The following DLGAP2 variants were observed in gnomAD, a reference collection of about 807,000 sequenced individuals.
The protein encoded by DLGAP2 is disks large-associated protein 2.
Under a neutral mutation model 100.3 loss-of-function variants are expected in DLGAP2, and 26 were observed. The ratio of observed to expected loss-of-function variants is 0.26; its 90% CI spans 0.19 to 0.36. The LOEUF (loss-of-function observed/expected upper bound fraction) is 0.36, where lower values mean the gene tolerates loss of function less well. Ranked by LOEUF, DLGAP2 falls within the 10% of genes least tolerant of loss-of-function variation. DLGAP2 has a pLI of 1.00. For synonymous variants in DLGAP2, 886 were observed against 630.1 expected (o/e 1.41, Z -6.08); for missense variants, 1,858 against 1,453.2 (o/e 1.28, Z -4.53).
chr8:1,442,820 C>A (rs1563152430), intron 3 of DLGAP2, among the ~76,000 whole-genome samples: 1 of 149,540 alleles, frequency 6.7e-6, no homozygotes, highest in Non-Finnish European at 1.5e-5. Flanking sequence ...GGAGACGGAT[C>A]CAGGCATAGA....
chr8:1,240,710 C>CT (rs1798769856), intron 2 of DLGAP2, among the ~76,000 whole-genome samples: 1 of 148,094 alleles, frequency 6.8e-6, no homozygotes, highest in Non-Finnish European at 1.5e-5. Flanking sequence ...CACATGGTGA[C>CT]GTGTCTAGTT....
At chr8:1,175,569 C>G (rs1437829626) in intron 2 of DLGAP2, among the ~76,000 whole-genome samples, 1 of 152,156 alleles carries the variant, frequency 6.6e-6, no homozygotes, top group Non-Finnish European at 1.5e-5. Flanking sequence ...CTATATGCGA[C>G]TCCATTAGGA....
chr8:1,582,304 A>ACAAGCCCCACACACATGTACACACCACAG (rs1396406861), intron 6 of DLGAP2, among the ~76,000 whole-genome samples: 9 of 113,094 alleles, frequency 8.0e-5, no homozygotes, highest in Admixed American at 2.4e-4. Context: ...AAGGATACAG[A>ACAAGCCCCACACACATGTACACACCACAG]TAAAACCTTA....
intron 3 of DLGAP2, among the ~76,000 whole-genome samples, chr8:1,434,604 G>A (rs1416366756): frequency 6.6e-6 from 1 of 152,102 alleles, no homozygotes; most frequent in Non-Finnish European, 1.5e-5. Flanking sequence ...AAGTTCCCGA[G>A]TAGCTGGGAC....
intron 1 of DLGAP2, among the ~76,000 whole-genome samples, chr8:907,402 A>G (rs562598499): frequency 2.0e-5 from 3 of 152,292 alleles, no homozygotes; most frequent in East Asian, 1.9e-4. Context: ...ACCAAATAAG[A>G]TATTTTCTTC....
intron 3 of DLGAP2, among the ~76,000 whole-genome samples, chr8:1,445,223 T>A (rs1374876687): frequency 7.2e-6 from 1 of 138,190 alleles, no homozygotes; most frequent in Non-Finnish European, 1.6e-5. Context: ...TATCTCCTAA[T>A]GCTATCCCTC....
At chr8:1,007,436 A>T (rs187935262) in intron 2 of DLGAP2, among the ~76,000 whole-genome samples, 1 of 152,200 alleles carries the variant, frequency 6.6e-6, no homozygotes, top group African/African-American at 2.4e-5. Flanking sequence ...ATCATGGCCC[A>T]TTTTACCAAG....
At chr8:1,185,741 A>ACT (rs761648382) in intron 2 of DLGAP2, among the ~76,000 whole-genome samples, 4 of 106,116 alleles carry the variant, frequency 3.8e-5, no homozygotes, top group Non-Finnish European at 8.2e-5. Flanking sequence ...ACTCACACAC[A>ACT]CACACTCACA....
chr8:1,318,595 A>G (rs2117033809), intron 3 of DLGAP2, among the ~76,000 whole-genome samples: 1 of 151,688 alleles, frequency 6.6e-6, no homozygotes, highest in Admixed American at 6.6e-5. Context: ...AGGGGAACAG[A>G]TTCCCCCGCC....
At chr8:1,347,072 G>C (rs890624326) in intron 3 of DLGAP2, among the ~76,000 whole-genome samples, 3 of 150,860 alleles carry the variant, frequency 2.0e-5, no homozygotes, top group African/African-American at 7.3e-5. Flanking sequence ...GTTCCACACA[G>C]AGCTGAATTG....
At chr8:959,212 G>A (rs995465593) in intron 2 of DLGAP2, among the ~76,000 whole-genome samples, 1 of 152,208 alleles carries the variant, frequency 6.6e-6, no homozygotes, top group Non-Finnish European at 1.5e-5. Flanking sequence ...ACATGTAAAA[G>A]AGTGAGTGTT....
At chr8:763,701 G>A (rs1821143429) in intron 1 of DLGAP2, among the ~76,000 whole-genome samples, 1 of 151,532 alleles carries the variant, frequency 6.6e-6, no homozygotes, top group South Asian at 2.1e-4. Flanking sequence ...GGGACTCGGT[G>A]TGTCCTTCGT....
At chr8:1,200,431 C>T (rs938610555) in intron 2 of DLGAP2, among the ~76,000 whole-genome samples, 3 of 152,226 alleles carry the variant, frequency 2.0e-5, no homozygotes, top group South Asian at 2.1e-4. Context: ...TGAAATGATT[C>T]ATGGTGTTTC....
chr8:960,926 G>A (rs1272961019), intron 2 of DLGAP2, among the ~76,000 whole-genome samples: 3 of 152,172 alleles, frequency 2.0e-5, no homozygotes, highest in African/African-American at 7.2e-5. Flanking sequence ...CATAAGTCTG[G>A]AACTGTCTGT....
chr8:1,122,076 C>G (rs1796062490), intron 2 of DLGAP2, among the ~76,000 whole-genome samples: 2 of 152,160 alleles, frequency 1.3e-5, no homozygotes, highest in Admixed American at 1.3e-4. Flanking sequence ...AGCCATTGAG[C>G]CAGAGATTGC....
At chr8:1,446,986 T>G (rs1797999988) in intron 3 of DLGAP2, among the ~76,000 whole-genome samples, 1 of 152,168 alleles carries the variant, frequency 6.6e-6, no homozygotes, top group African/African-American at 2.4e-5. Context: ...CTTAAGGAGA[T>G]TTTGGGCTGA....
At chr8:818,520 T>A (rs1019114942) in intron 1 of DLGAP2, among the ~76,000 whole-genome samples, 2 of 152,184 alleles carry the variant, frequency 1.3e-5, no homozygotes, top group Admixed American at 1.3e-4. Context: ...CTTCCAAGGG[T>A]CTGTGGATTC....
intron 3 of DLGAP2, among the ~76,000 whole-genome samples, chr8:1,352,951 C>A (rs981938716): frequency 6.6e-6 from 1 of 152,178 alleles, no homozygotes; most frequent in Non-Finnish European, 1.5e-5. Flanking sequence ...TTTGACTGTT[C>A]CAGAGCTCTG....
chr8:948,990 G>C (rs550558013), intron 2 of DLGAP2, among the ~76,000 whole-genome samples: 2 of 152,042 alleles, frequency 1.3e-5, no homozygotes, highest in African/African-American at 4.8e-5. Context: ...AGGAGTCGCC[G>C]GGGTGGGAGC....
Sources: allele counts gnomAD v4.1 joint callset (sites outside exome capture counted in the v4.1 genomes callset), GRCh38; gene constraint gnomAD v4.1.1; transcripts MANE v1.5; gene names NCBI Gene and HGNC (gene_info 2026-07-23, HGNC 2026-07-21).